ZDHHC21: variants seen among roughly 807,000 people sequenced by gnomAD.
The protein encoded by ZDHHC21 is zDHHC palmitoyltransferase 21, also known as palmitoyltransferase ZDHHC21.
Under a neutral mutation model 34.6 loss-of-function variants are expected in ZDHHC21, and 15 were observed. The observed-to-expected ratio is 0.43, with a 90% CI of 0.29 to 0.67. The LOEUF is 0.67. ZDHHC21 is among the 30% of genes least tolerant of loss of function. The pLI, the probability that ZDHHC21 is intolerant of heterozygous loss-of-function variation, is 0.14. For missense variants in ZDHHC21, 344 were observed against 327.7 expected, an observed-to-expected ratio of 1.05 and a Z score of -0.38; for synonymous variants, 142 against 101.8, an observed-to-expected ratio of 1.40 and a Z score of -2.38.
chr9:14,629,776 C>T (rs537165056), intron 8 of ZDHHC21, among the ~76,000 whole-genome samples: 21 of 152,008 alleles, frequency 1.4e-4, no homozygotes, highest in Non-Finnish European at 2.8e-4. Flanking sequence ...AACAATAAAC[C>T]GGTGGCTCAC....
chr9:14,659,806 T>C (rs533779411), intron 6 of ZDHHC21, among the ~76,000 whole-genome samples: 2 of 152,200 alleles, frequency 1.3e-5, no homozygotes, highest in Non-Finnish European at 2.9e-5. Context: ...AGAGTGCATG[T>C]TTTGTAAACA....
intron 8 of ZDHHC21, among the ~76,000 whole-genome samples, chr9:14,620,623 T>G (rs1304256228): frequency 6.6e-6 from 1 of 151,958 alleles, no homozygotes; most frequent in Non-Finnish European, 1.5e-5. Flanking sequence ...TCCCAAGAAC[T>G]TATTTGGCTG....
In ZDHHC21 at chr9:14,618,316, T is replaced by C. The variant is rs1824643685; in HGVS notation, c.*650A>G. ...TTTTAACATTTCCTTTATAGTAAGGTAGGTAGTTGGTGTTTTACTTCAGTG... is the reference window on the plus strand; with the variant it reads ...TTTTAACATTTCCTTTATAGTAAGGCAGGTAGTTGGTGTTTTACTTCAGTG... On this transcript the variant is annotated 3_prime_UTR_variant, in exon 10 of 10. Coordinates refer to ENST00000380916, the MANE Select transcript of ZDHHC21 (RefSeq NM_178566.6). The C allele has an allele frequency of 6.6e-6, 1 of 152,482 alleles. No homozygotes were observed. Among genetic ancestry groups the C allele is most frequent in the African/African-American group, 2.4e-5 (1 of 41,420 alleles). 9.4% of individuals were successfully genotyped at this position (152,482 alleles called of 1,614,324 possible).
Position 14,619,109 on chromosome 9 carries a change from C to A in ZDHHC21, c.666-11G>T. The A allele has an allele frequency of 6.3e-7, 1 of 1,595,162 alleles. No homozygotes were observed. Among genetic ancestry groups the A allele is most frequent in the Non-Finnish European group, 8.5e-7 (1 of 1,171,592 alleles). Reference sequence around the variant, plus strand: ...TTTCGGGGCCTCGATCTACAGAAGACAGCATTATTAGTGAAAGACAGCACT... The same window carrying A: ...TTTCGGGGCCTCGATCTACAGAAGAAAGCATTATTAGTGAAAGACAGCACT... On this transcript the variant is annotated splice_polypyrimidine_tract_variant and intron_variant, in intron 9 of 9. Transcript: ENST00000380916.
chr9:14,672,429 A>C (rs1280186760), intron 5 of ZDHHC21, among the ~76,000 whole-genome samples: 1 of 152,120 alleles, frequency 6.6e-6, no homozygotes, highest in Non-Finnish European at 1.5e-5. Flanking sequence ...AGGTGAATAA[A>C]AAGCTAAAAT....
At chr9:14,602,595 G>C in the ZDHHC21 span, among the ~76,000 whole-genome samples, 866 of 152,144 alleles carry the variant, frequency 5.7e-3, 14 homozygotes, top group African/African-American at 0.02. Context: ...AGCAAGAGAA[G>C]AGCATCAAGT....
the ZDHHC21 span, among the ~76,000 whole-genome samples, chr9:14,603,897 T>C: frequency 6.6e-6 from 1 of 152,208 alleles, no homozygotes; most frequent in South Asian, 2.1e-4. Context: ...TAGTCGTAGA[T>C]GTTGACTCAT....
intron 7 of ZDHHC21, among the ~76,000 whole-genome samples, chr9:14,655,727 T>G (rs1189874360): frequency 1.3e-5 from 2 of 151,436 alleles, no homozygotes; most frequent in Non-Finnish European, 3.0e-5. Context: ...TTTTTTAAAT[T>G]AGAAATTCCA....
intron 5 of ZDHHC21, among the ~76,000 whole-genome samples, chr9:14,665,083 G>C (rs1587300032): frequency 1.1e-5 from 1 of 91,198 alleles, no homozygotes; most frequent in African/African-American, 4.2e-5. Flanking sequence ...CAAAGGCAAA[G>C]AAGTTGAAAA....
chr9:14,682,613 T>TGCTAAAGGGATATTTAGAC (rs2131620065), intron 2 of ZDHHC21, among the ~76,000 whole-genome samples: 1 of 152,214 alleles, frequency 6.6e-6, no homozygotes, highest in South Asian at 2.1e-4. Flanking sequence ...CACTCTACTG[T>TGCTAAAGGGATATTTAGAC]CAACATTAGA....
intron 2 of ZDHHC21, among the ~76,000 whole-genome samples, chr9:14,680,764 G>C (rs571055611): frequency 7.2e-5 from 11 of 152,242 alleles, no homozygotes; most frequent in Non-Finnish European, 1.3e-4. Context: ...GAAAAAGAGA[G>C]GCTCTATCTT....
intron 1 of ZDHHC21, among the ~76,000 whole-genome samples, chr9:14,692,090 T>C (rs914717091): frequency 6.6e-6 from 1 of 152,226 alleles, no homozygotes; most frequent in Admixed American, 6.5e-5. Flanking sequence ...ATTTCTCACC[T>C]CAATTCTTCA....
intron 4 of ZDHHC21, among the ~76,000 whole-genome samples, chr9:14,673,489 T>A (rs903836667): frequency 1.3e-5 from 2 of 151,676 alleles, no homozygotes; most frequent in Admixed American, 6.6e-5. Context: ...TAATTCTACA[T>A]TTTTAAATTA....
intron 7 of ZDHHC21, among the ~76,000 whole-genome samples, chr9:14,642,066 A>G (rs1829472869): frequency 1.3e-5 from 2 of 152,194 alleles, no homozygotes. Flanking sequence ...GCCAACTACA[A>G]TTTATAAATG....
the ZDHHC21 span, among the ~76,000 whole-genome samples, chr9:14,594,638 T>A: frequency 2.6e-5 from 4 of 152,198 alleles, no homozygotes; most frequent in Non-Finnish European, 1.5e-5. Context: ...GACCTTGGGT[T>A]AAGCAAAGAC....
chr9:14,592,058 A>T, the ZDHHC21 span, among the ~76,000 whole-genome samples: 1 of 152,070 alleles, frequency 6.6e-6, no homozygotes, highest in Non-Finnish European at 1.5e-5. Flanking sequence ...TTATTGGTAC[A>T]ATTGGATGTC....
At chr9:14,684,841 G>C (rs892425111) in intron 2 of ZDHHC21, among the ~76,000 whole-genome samples, 3 of 152,140 alleles carry the variant, frequency 2.0e-5, no homozygotes, top group African/African-American at 4.8e-5. Context: ...CATGGTACTG[G>C]TACCAAAACA....
intron 8 of ZDHHC21, among the ~76,000 whole-genome samples, chr9:14,621,847 T>G (rs1825361002): frequency 6.6e-6 from 1 of 152,010 alleles, no homozygotes; most frequent in Non-Finnish European, 1.5e-5. Context: ...TATCCTCAAG[T>G]GTCAAATTAA....
chr9:14,633,402 G>C (rs1827702516), intron 8 of ZDHHC21, among the ~76,000 whole-genome samples: 1 of 152,118 alleles, frequency 6.6e-6, no homozygotes, highest in African/African-American at 2.4e-5. Flanking sequence ...CTAGCTAGAG[G>C]AAAGCCCCTA....
Sources: allele counts gnomAD v4.1 joint callset (sites outside exome capture counted in the v4.1 genomes callset), GRCh38; gene constraint gnomAD v4.1.1; transcripts MANE v1.5; gene names NCBI Gene and HGNC (gene_info 2026-07-23, HGNC 2026-07-21).